RYK: variants seen among roughly 807,000 people sequenced by gnomAD.
The protein encoded by RYK is inactive tyrosine-protein kinase RYK.
In RYK, 21 loss-of-function variants were observed where a neutral mutation model predicts 70.2. The observed-to-expected ratio is 0.30, with a 90% CI of 0.21 to 0.43. RYK has a LOEUF of 0.43. Ranked by LOEUF, RYK falls within the 20% of genes least tolerant of loss-of-function variation. The probability of loss-of-function intolerance (pLI) is 1.00; values close to 1 mark genes in which losing one functional copy is unlikely to be tolerated. For synonymous variants in RYK, 267 were observed against 278.0 expected, an observed-to-expected ratio of 0.96 and a Z score of 0.39; for missense variants, 604 against 753.3, an observed-to-expected ratio of 0.80 and a Z score of 2.32.
intron 9 of RYK, 83 bp from the exon 10 acceptor site, chr3:134,183,154 T>G: frequency 1.3e-6 from 1 of 755,070 alleles, no homozygotes. Flanking sequence ...TAAATAATTA[T>G]CTTGAACTAT....
intron 5 of RYK, among the ~76,000 whole-genome samples, chr3:134,204,179 T>C (rs950206780): frequency 1.3e-5 from 2 of 152,128 alleles, no homozygotes; most frequent in Non-Finnish European, 2.9e-5. Context: ...AATAAAATGA[T>C]ACTCAGCTTT....
intron 6 of RYK, among the ~76,000 whole-genome samples, chr3:134,198,703 G>T (rs1014906437): frequency 3.9e-5 from 6 of 152,128 alleles, no homozygotes; most frequent in African/African-American, 1.4e-4. Flanking sequence ...AGACAGAATG[G>T]TCATTTCTGG....
At chr3:134,250,240 G>A (rs946439163) in intron 1 of RYK, among the ~76,000 whole-genome samples, 183 bp downstream of exon 1, 6 of 152,044 alleles carry the variant, frequency 3.9e-5, no homozygotes, top group Non-Finnish European at 5.9e-5. Context: ...GCTGGGGACC[G>A]GGCAGGGACC....
chr3:134,169,054 A>G (rs1304660297), intron 13 of RYK, among the ~76,000 whole-genome samples: 2 of 152,198 alleles, frequency 1.3e-5, no homozygotes, highest in Non-Finnish European at 2.9e-5. Context: ...AAAATAAATA[A>G]TGTAAAGGCA....
At chr3:134,159,451 G>A (rs2012375767) in intron 13 of RYK, 78 bp from the exon 14 acceptor site, 2 of 1,382,910 alleles carry the variant, frequency 1.4e-6, no homozygotes, top group African/African-American at 1.5e-5. Context: ...CCAGCTACAG[G>A]ACAAAAAATA....
rs749124177 is a variant in RYK at position 134,250,499 on chromosome 3, G to A, written c.156C>T (p.Pro52=). ...CCGCGGAAGCCGACTGCAGCTCCGG[G>A]GGCCGCGGGGCGGGGGCGGCGGCAG... ...PGAAAAPAPR[P]PELQSASAGP... The change falls in exon 1 of 15, where the codon CCC becomes CCT. Residue 52 remains proline, a synonymous_variant. Coordinates refer to ENST00000623711, the MANE Select transcript of RYK (RefSeq NM_002958.4). 2 of 1,280,158 alleles carry A rather than the reference G, an allele frequency of 1.6e-6. No individual in the cohort carries two copies. Among genetic ancestry groups the A allele is most frequent in the South Asian group, 2.6e-5 (1 of 38,292 alleles). The allele number at this position is 1,280,158 out of a possible 1,614,324, so 79.3% of individuals were successfully genotyped here.
At chr3:134,217,354 A>T (rs1424699584) in intron 2 of RYK, among the ~76,000 whole-genome samples, 1 of 152,222 alleles carries the variant, frequency 6.6e-6, no homozygotes, top group Non-Finnish European at 1.5e-5. Flanking sequence ...CAAACCCTTC[A>T]TCAAGCCTCC....
At chr3:134,177,548 A>G (rs1357848866) in intron 11 of RYK, among the ~76,000 whole-genome samples, 2 of 152,188 alleles carry the variant, frequency 1.3e-5, no homozygotes, top group African/African-American at 2.4e-5. Context: ...CCCACAATCT[A>G]GACCTCCAGT....
At chr3:134,172,806 A>C (rs1269597092) in intron 13 of RYK, among the ~76,000 whole-genome samples, 3 of 152,214 alleles carry the variant, frequency 2.0e-5, no homozygotes, top group African/African-American at 7.2e-5. Context: ...GACCAGGACT[A>C]GTACCCCACT....
At chr3:134,172,692 T>C (rs796942345) in intron 13 of RYK, among the ~76,000 whole-genome samples, 31 of 152,358 alleles carry the variant, frequency 2.0e-4, no homozygotes, top group African/African-American at 6.3e-4. Flanking sequence ...AAAAAGAATA[T>C]AACCTGCTTT....
In RYK at chr3:134,175,599, C is replaced by T. The variant is rs930092674; in HGVS notation, c.1575+10G>A. 10 of 1,611,942 alleles carry T rather than the reference C, an allele frequency of 6.2e-6. No homozygotes were observed. The highest frequency in any genetic ancestry group is 1.1e-5 in the South Asian group (1 of 90,682). On this transcript the variant is annotated intron_variant, in intron 13 of 14. Transcript: ENST00000623711. ...CTATTCTTTTGCTATCTGGGGGTCC[C>T]GGCACTTACCACATCACTAGCGCTA...
intron 1 of RYK, among the ~76,000 whole-genome samples, chr3:134,247,696 C>G (rs369255894): frequency 9.5e-5 from 14 of 146,792 alleles, no homozygotes; most frequent in African/African-American, 3.2e-4. Flanking sequence ...GAGCGAAACT[C>G]CGTCTCAAAA....
At chr3:134,201,310 T>A (rs2014011119) in intron 6 of RYK, among the ~76,000 whole-genome samples, 1 of 152,086 alleles carries the variant, frequency 6.6e-6, no homozygotes, top group Admixed American at 6.6e-5. Flanking sequence ...GGACAAAGAG[T>A]ACTAAGGGGC....
intron 2 of RYK, among the ~76,000 whole-genome samples, chr3:134,217,187 T>C (rs951779713): frequency 1.7e-4 from 26 of 152,218 alleles, no homozygotes; most frequent in Admixed American, 3.3e-4. Context: ...CCGACACATA[T>C]CAGGGAGCCT....
chr3:134,169,086 T>C (rs2012799558), intron 13 of RYK, among the ~76,000 whole-genome samples: 1 of 152,222 alleles, frequency 6.6e-6, no homozygotes, highest in African/African-American at 2.4e-5. Flanking sequence ...TTTTGATTTG[T>C]CCTATCCCCT....
intron 1 of RYK, among the ~76,000 whole-genome samples, chr3:134,235,852 C>A (rs1298832814): frequency 6.6e-6 from 1 of 151,920 alleles, no homozygotes; most frequent in Non-Finnish European, 1.5e-5. Flanking sequence ...CTGTGGCAAG[C>A]CAGGAGCAGG....
chr3:134,211,109 G>T (rs1177125701), intron 3 of RYK, among the ~76,000 whole-genome samples: 1 of 152,208 alleles, frequency 6.6e-6, no homozygotes, highest in African/African-American at 2.4e-5. Flanking sequence ...ACAAGGTGGT[G>T]AGTCTGGAAT....
At chr3:134,196,246 A>T (rs1281420947) in intron 6 of RYK, among the ~76,000 whole-genome samples, 2 of 152,158 alleles carry the variant, frequency 1.3e-5, no homozygotes, top group African/African-American at 4.8e-5. Context: ...AGTTCTTATA[A>T]TTTTGCAGCA....
chr3:134,245,409 G>A (rs998502746), intron 1 of RYK, among the ~76,000 whole-genome samples: 3 of 151,820 alleles, frequency 2.0e-5, no homozygotes, highest in African/African-American at 7.3e-5. Context: ...CAAACCATAA[G>A]GACAAACAGA....
Sources: allele counts gnomAD v4.1 joint callset (sites outside exome capture counted in the v4.1 genomes callset), GRCh38; gene constraint gnomAD v4.1.1; transcripts MANE v1.5; gene names NCBI Gene and HGNC (gene_info 2026-07-23, HGNC 2026-07-21).